Variants in OR3A2 observed in about 807,000 individuals in gnomAD.
OR3A2 encodes the protein olfactory receptor family 3 subfamily A member 2, also known as olfactory receptor 3A2.
For synonymous variants in OR3A2, 126 were observed against 159.3 expected, an observed-to-expected ratio of 0.79 and a Z score of 1.57; for missense variants, 318 against 392.8, an observed-to-expected ratio of 0.81 and a Z score of 1.61.
chr17:3,326,033 A>G (rs1488639158), intron 3 of OR3A2, among the ~76,000 whole-genome samples: 1 of 152,082 alleles, frequency 6.6e-6, no homozygotes. Context: ...AAGTGAGAAC[A>G]TGAGGTGTTT....
intron 2 of OR3A2, among the ~76,000 whole-genome samples, chr17:3,379,028 G>A (rs141883170): frequency 1.3e-5 from 2 of 152,106 alleles, no homozygotes; most frequent in Non-Finnish European, 2.9e-5. Context: ...AAGCTAGTGG[G>A]GACTTGAATA....
At chr17:3,374,998 T>G (rs1334063519) in intron 2 of OR3A2, among the ~76,000 whole-genome samples, 3 of 152,102 alleles carry the variant, frequency 2.0e-5, no homozygotes, top group African/African-American at 7.2e-5. Flanking sequence ...CTTAGAATAA[T>G]GGTCTCCAGA....
chr17:3,303,725 A>C (rs231688), intron 3 of OR3A2, among the ~76,000 whole-genome samples: 94,647 of 142,558 alleles, frequency 0.66, 32,705 homozygotes, highest in East Asian at 0.99. Flanking sequence ...AGCCTGGCGA[A>C]TGAGCAAGAC....
intron 2 of OR3A2, among the ~76,000 whole-genome samples, chr17:3,373,082 T>C (rs1374138634): frequency 1.3e-5 from 2 of 152,208 alleles, no homozygotes; most frequent in African/African-American, 4.8e-5. Context: ...GCTTATATAA[T>C]TTCCATGCGT....
upstream of OR3A2, among the ~76,000 whole-genome samples, chr17:3,288,246 C>CAAAAAAAAAAAAAAAAAAAAAACAAAA: frequency 1.4e-5 from 1 of 73,486 alleles, no homozygotes; most frequent in Non-Finnish European, 2.8e-5. Flanking sequence ...ACCAAAAGGG[C>CAAAAAAAAAAAAAAAAAAAAAACAAAA]AAAAAAAAAA....
chr17:3,372,841 A>AGGAGGAGAGGGAGAGGGAGAGGGAGAG (rs2049642989), intron 2 of OR3A2, among the ~76,000 whole-genome samples: 1 of 98,526 alleles, frequency 1.0e-5, no homozygotes, highest in African/African-American at 4.1e-5. Flanking sequence ...AGGGAGGAGA[A>AGGAGGAGAGGGAGAGGGAGAGGGAGAG]GGAGAAGGAG....
intron 3 of OR3A2, among the ~76,000 whole-genome samples, chr17:3,307,682 A>G (rs2049008745): frequency 6.6e-6 from 1 of 152,212 alleles, no homozygotes; most frequent in Non-Finnish European, 1.5e-5. Context: ...GTGGGAGCCC[A>G]GAAAAAGGCA....
chr17:3,361,417 A>G (rs28796614), intron 2 of OR3A2, among the ~76,000 whole-genome samples: 21,272 of 151,454 alleles, frequency 0.14, 2,201 homozygotes, highest in African/African-American at 0.25. Context: ...TCTTTCTCTT[A>G]CCTGATTGCC....
chr17:3,330,070 T>C (rs2049216329), intron 3 of OR3A2, among the ~76,000 whole-genome samples: 1 of 145,876 alleles, frequency 6.9e-6, no homozygotes, highest in Admixed American at 6.8e-5. Flanking sequence ...CACTGTTGTC[T>C]GAGAGATAGT....
At chr17:3,340,585 A>C (rs2150647209) in intron 2 of OR3A2, among the ~76,000 whole-genome samples, 1 of 152,066 alleles carries the variant, frequency 6.6e-6, no homozygotes, top group East Asian at 1.9e-4. Flanking sequence ...GTTTTGAGTG[A>C]GTTTCTTAAT....
At chr17:3,327,593 G>T (rs2049187550) in intron 3 of OR3A2, among the ~76,000 whole-genome samples, 11 of 117,714 alleles carry the variant, frequency 9.3e-5, no homozygotes, top group East Asian at 3.4e-4. Context: ...GTCTTTTGTT[G>T]CCATTGCTTT....
intron 3 of OR3A2, among the ~76,000 whole-genome samples, chr17:3,331,227 C>A (rs7502435): frequency 6.6e-6 from 1 of 151,400 alleles, no homozygotes; most frequent in Non-Finnish European, 1.5e-5. Context: ...AACTTTGTGG[C>A]GTTCTCTGTA....
chr17:3,328,850 T>G (rs1007442051), intron 3 of OR3A2, among the ~76,000 whole-genome samples: 3 of 149,350 alleles, frequency 2.0e-5, no homozygotes, highest in African/African-American at 7.5e-5. Flanking sequence ...GTTTATATGC[T>G]GGATTACATT....
At chr17:3,381,503 CA>C (rs991202937) in intron 2 of OR3A2, among the ~76,000 whole-genome samples, 3 of 152,150 alleles carry the variant, frequency 2.0e-5, no homozygotes, top group Non-Finnish European at 4.4e-5. Context: ...CGTGTTTCAA[CA>C]GGAGCTGACA....
At chr17:3,289,749 C>T (rs909832359) in intron 3 of OR3A2, among the ~76,000 whole-genome samples, 6 of 152,280 alleles carry the variant, frequency 3.9e-5, no homozygotes, top group South Asian at 2.1e-4. Context: ...CAAGGTCAAG[C>T]GTGTCGTGAA....
chr17:3,357,997 A>G lies in OR3A2; in HGVS notation c.-178-21871T>C, dbSNP rs375670332. ...TTCAGAGAGGCCACTTAATAACTGAAGCCTCTGGACTTGGAGCCAATTTTT... is the reference window on the plus strand; with the variant it reads ...TTCAGAGAGGCCACTTAATAACTGAGGCCTCTGGACTTGGAGCCAATTTTT... On this transcript the variant is annotated intron_variant, in intron 2 of 4. Coordinates refer to the OR3A2 transcript ENST00000573491. Among the ~76,000 whole-genome samples the G allele has an allele frequency of 2.2e-4, 33 of 151,768 alleles. 1 individual carries two copies. The highest frequency in any genetic ancestry group is 7.8e-4 in the African/African-American group (32 of 41,086).
chr17:3,365,616 T>C (rs982746856), intron 2 of OR3A2, among the ~76,000 whole-genome samples: 4 of 152,070 alleles, frequency 2.6e-5, no homozygotes, highest in Non-Finnish European at 5.9e-5. Flanking sequence ...AGGACCCACA[T>C]TGACAGAGGC....
intron 2 of OR3A2, among the ~76,000 whole-genome samples, chr17:3,364,538 C>T (rs983450120): frequency 6.6e-6 from 1 of 152,170 alleles, no homozygotes; most frequent in Admixed American, 6.5e-5. Context: ...CTACTCTCTA[C>T]TGTAGTGAGT....
chr17:3,299,553 G>T (rs1345545847), intron 3 of OR3A2, among the ~76,000 whole-genome samples: 1 of 152,164 alleles, frequency 6.6e-6, no homozygotes, highest in Non-Finnish European at 1.5e-5. Context: ...TGGTGATGAG[G>T]TTAATGAACG....
Sources: allele counts gnomAD v4.1 joint callset (sites outside exome capture counted in the v4.1 genomes callset), GRCh38; gene constraint gnomAD v4.1.1; transcripts MANE v1.5; gene names NCBI Gene and HGNC (gene_info 2026-07-23, HGNC 2026-07-21).